Variants in JPH2 observed in about 807,000 individuals in gnomAD.
JPH2 encodes the protein junctophilin 2, also known as junctophilin-2.
Under a neutral mutation model 55.9 loss-of-function variants are expected in JPH2, and 38 were observed. The observed-to-expected ratio is 0.68, with a 90% CI of 0.52 to 0.89. JPH2 has a LOEUF of 0.89. JPH2 is among the 40% of genes least tolerant of loss of function. The pLI is 0.00. For missense variants in JPH2, 964 were observed against 1,037.6 expected (o/e 0.93, Z 0.97); for synonymous variants, 480 against 472.4 (o/e 1.02, Z -0.21).
rs1231304653 is a variant in JPH2, at chr20:44,160,339, C to T, written c.448G>A (p.Gly150Arg). 2 of 1,584,354 alleles carry T rather than the reference C, an allele frequency of 1.3e-6. No homozygotes were observed. Among genetic ancestry groups the T allele is most frequent in the South Asian group, 1.1e-5 (1 of 86,958 alleles). The change falls in exon 2 of 6, where the codon GGG becomes AGG. Residue 150 changes from glycine (G) to arginine (R), a missense_variant. Gly to Arg is a moderately radical substitution (Grantham distance 125). Transcript: ENST00000372980. The surrounding 1 kb of genome is among the most constrained non-coding windows in gnomAD (Gnocchi z 4.9). ...GYGVRQSVPY[G>R]MAVVVRSPLR... ...GGCGAGCGCACCACCACGGCCATCC[C>T]GTAGGGCACGCTCTGGCGTACTCCG...
At chr20:44,132,537 G>A (rs948376061) in intron 2 of JPH2, among the ~76,000 whole-genome samples, 25 of 151,326 alleles carry the variant, frequency 1.7e-4, no homozygotes, top group African/African-American at 4.6e-4. Context: ...CTTCCAGTGC[G>A]CCCAGTCAAT....
chr20:44,132,355 GACACACACAC>G (rs749014190), intron 2 of JPH2, among the ~76,000 whole-genome samples: 42 of 101,288 alleles, frequency 4.1e-4, no homozygotes, highest in Admixed American at 1.3e-3. Flanking sequence ...CAGACAGACA[GACACACACAC>G]ACACACACAC....
At chr20:44,182,875 C>T (rs2072797249) in intron 1 of JPH2, among the ~76,000 whole-genome samples, 1 of 152,222 alleles carries the variant, frequency 6.6e-6, no homozygotes, top group African/African-American at 2.4e-5. Flanking sequence ...AGAGCAGGTG[C>T]TCAGTAGTAC....
chr20:44,131,085 G>A (rs573297369), intron 2 of JPH2, among the ~76,000 whole-genome samples: 3 of 152,248 alleles, frequency 2.0e-5, no homozygotes, highest in East Asian at 1.9e-4. Context: ...CCATCCTAGC[G>A]TAATCCCTTC....
chr20:44,181,252 T>G (rs2072781338), intron 1 of JPH2, among the ~76,000 whole-genome samples: 1 of 152,126 alleles, frequency 6.6e-6, no homozygotes, highest in Non-Finnish European at 1.5e-5. Context: ...ACAATGAGTG[T>G]CAAACTTTTT....
intron 2 of JPH2, among the ~76,000 whole-genome samples, chr20:44,144,083 C>G (rs2072477186): frequency 6.6e-6 from 1 of 152,110 alleles, no homozygotes; most frequent in Admixed American, 6.5e-5. Flanking sequence ...CTGTGAAGAC[C>G]TGTTGCAAAG....
chr20:44,149,877 C>G (rs1271061543), intron 2 of JPH2, among the ~76,000 whole-genome samples: 1 of 147,956 alleles, frequency 6.8e-6, no homozygotes, highest in Non-Finnish European at 1.5e-5. Context: ...ACTGGGGAGG[C>G]TGAGGCATGA....
At chr20:44,168,435 G>T (rs2072672560) in intron 1 of JPH2, among the ~76,000 whole-genome samples, 2 of 152,000 alleles carry the variant, frequency 1.3e-5, no homozygotes, top group Admixed American at 1.3e-4. Context: ...TTTAAATATG[G>T]CTACTAAAAA....
intron 1 of JPH2, among the ~76,000 whole-genome samples, chr20:44,161,260 A>G (rs1311482175): frequency 6.6e-6 from 1 of 152,184 alleles, no homozygotes; most frequent in African/African-American, 2.4e-5. Flanking sequence ...GGTGATGGGC[A>G]TCAGTGAAAC....
chr20:44,160,128 A>G lies in JPH2; in HGVS notation c.659T>C (p.Leu220Pro). Reference sequence around the variant, plus strand: ...GCCCAGCAGCGCGCCCCGCTGGAAGAGGCCGCCGCCCTTGGGCGCCCGCGC... The same window carrying G: ...GCCCAGCAGCGCGCCCCGCTGGAAGGGGCCGCCGCCCTTGGGCGCCCGCGC... ...AAARAPKGGG[L>P]FQRGALLGKL... Residue 220 changes from leucine to proline, a missense_variant, in exon 2 of 6, where the codon CTC becomes CCC. Transcript: ENST00000372980. This position sits in a 1 kb window ranked among gnomAD's most constrained non-coding sequence, Gnocchi z 4.9. The G allele has an allele frequency of 6.7e-7, 1 of 1,498,212 alleles. No homozygotes were observed. Among genetic ancestry groups the G allele is most frequent in the Non-Finnish European group, 8.8e-7 (1 of 1,130,514 alleles). The allele number at this position is 1,498,212 out of a possible 1,614,324, so 92.8% of individuals were successfully genotyped here.
chr20:44,170,383 C>G (rs1455287499), intron 1 of JPH2, among the ~76,000 whole-genome samples: 2 of 152,230 alleles, frequency 1.3e-5, no homozygotes, highest in Non-Finnish European at 2.9e-5. Flanking sequence ...TTCTCCAAGT[C>G]CTCTCACATA....
chr20:44,153,546 T>C (rs1156353147), intron 2 of JPH2, among the ~76,000 whole-genome samples: 1 of 151,710 alleles, frequency 6.6e-6, no homozygotes, highest in Admixed American at 6.6e-5. Flanking sequence ...GAGATGGAGG[T>C]GGGGGGCTGA....
At chr20:44,147,456 A>G (rs1020350226) in intron 2 of JPH2, among the ~76,000 whole-genome samples, 18 of 152,238 alleles carry the variant, frequency 1.2e-4, no homozygotes, top group African/African-American at 4.3e-4. Context: ...TAACATAAAA[A>G]GATCTCAAAA....
intron 2 of JPH2, among the ~76,000 whole-genome samples, chr20:44,146,313 A>G (rs988043290): frequency 2.0e-5 from 3 of 152,070 alleles, no homozygotes; most frequent in African/African-American, 7.2e-5. Context: ...GATTCCAGGC[A>G]TGAGCCACTG....
intron 2 of JPH2, among the ~76,000 whole-genome samples, chr20:44,140,535 A>C (rs6031414): frequency 0.69 from 105,072 of 152,014 alleles, 36,647 homozygotes; most frequent in East Asian, 0.8. Context: ...CTGATGGGAA[A>C]AGCACTTCAG....
chr20:44,185,738 T>C, intron 1 of JPH2, among the ~76,000 whole-genome samples: 1 of 149,436 alleles, frequency 6.7e-6, no homozygotes, highest in Non-Finnish European at 1.5e-5. Context: ...CAGGTAGATG[T>C]ATGAATGGCT....
At chr20:44,121,713 A>G (rs1325625178) in intron 2 of JPH2, among the ~76,000 whole-genome samples, 1 of 152,124 alleles carries the variant, frequency 6.6e-6, no homozygotes, top group Non-Finnish European at 1.5e-5. Flanking sequence ...CCAAGCCAGC[A>G]TGGTGGCTCG....
intron 3 of JPH2, 130 bp from the exon 4 acceptor site, chr20:44,116,516 C>T: frequency 9.7e-7 from 1 of 1,029,900 alleles, no homozygotes; most frequent in Non-Finnish European, 1.4e-6. Context: ...GACCAAGTGC[C>T]AGGCACTGTT....
At chr20:44,174,651 G>A (rs192259565) in intron 1 of JPH2, among the ~76,000 whole-genome samples, 3 of 152,230 alleles carry the variant, frequency 2.0e-5, no homozygotes, top group Admixed American at 1.3e-4. Flanking sequence ...GCGCTTGCCT[G>A]TAATCCCAGC....
Sources: gnomAD v4.1 joint callset for allele counts (sites outside exome capture counted in the v4.1 genomes callset) on GRCh38, gnomAD v4.1.1 for gene constraint, Gnocchi (gnomAD v3.1) non-coding constraint, MANE v1.5 for transcripts, NCBI Gene and HGNC (gene_info 2026-07-23, HGNC 2026-07-21) for gene names.